The following MIOS variants were observed in gnomAD, a reference collection of about 807,000 sequenced individuals.
The protein encoded by MIOS is GATOR2 complex protein MIOS.
MIOS carries 52 observed loss-of-function variants against 96.9 expected under a neutral mutation model. That is an observed-to-expected ratio of 0.54 (90% CI 0.43 to 0.68). The LOEUF (loss-of-function observed/expected upper bound fraction) is 0.68, where lower values mean the gene tolerates loss of function less well. MIOS is among the 30% of genes least tolerant of loss of function. The pLI, the probability that MIOS is intolerant of heterozygous loss-of-function variation, is 0.00. For synonymous variants in MIOS, 397 were observed against 359.5 expected, an observed-to-expected ratio of 1.10 and a Z score of -1.18; for missense variants, 1,005 against 1,052.8, an observed-to-expected ratio of 0.95 and a Z score of 0.63.
In MIOS at chr7:7,572,312, A is replaced by G; in HGVS notation, c.-40-124A>G. 2.0e-6 allele frequency: 1 copy of G among 488,554 alleles called. No homozygotes were observed. 30.3% of individuals were successfully genotyped at this position (488,554 alleles called of 1,614,324 possible). Reference sequence around the variant, plus strand: ...AATTCATAGCAGATAGAGAGAAGAAATACAAATATATTGAAAAAGAGGGTT... The same window carrying G: ...AATTCATAGCAGATAGAGAGAAGAAGTACAAATATATTGAAAAAGAGGGTT... On this transcript the variant is annotated intron_variant, in intron 3 of 12. Transcript: ENST00000340080. The surrounding 1 kb of genome is among the most constrained non-coding windows in gnomAD (Gnocchi z 4.8).
At chr7:7,590,850 C>T (rs550538551) in intron 9 of MIOS, among the ~76,000 whole-genome samples, 16 of 152,240 alleles carry the variant, frequency 1.1e-4, no homozygotes, top group Non-Finnish European at 2.4e-4. Context: ...TCTACTTTAC[C>T]CTTTCTTATG....
intron 9 of MIOS, among the ~76,000 whole-genome samples, chr7:7,593,334 A>G (rs192944708): frequency 6.6e-6 from 1 of 152,334 alleles, no homozygotes; most frequent in East Asian, 1.9e-4. Context: ...ACTGAATTTA[A>G]TAGATGAAAG....
intron 11 of MIOS, chr7:7,605,343 G>A (rs538462922): frequency 1.3e-5 from 2 of 148,872 alleles, no homozygotes; most frequent in African/African-American, 2.5e-5. Flanking sequence ...CACCCAGCCT[G>A]GAGTGCAGCA....
At chr7:7,606,152 T>A in intron 12 of MIOS, 81 bp downstream of exon 12, 1 of 1,523,982 alleles carries the variant, frequency 6.6e-7, no homozygotes, top group Non-Finnish European at 8.9e-7. Context: ...TGGGTTTATC[T>A]ATTAGCATTT....
intron 9 of MIOS, among the ~76,000 whole-genome samples, 155 bp from the exon 10 acceptor site, chr7:7,594,825 T>G (rs949213892): frequency 7.1e-5 from 10 of 140,432 alleles, no homozygotes; most frequent in Non-Finnish European, 1.2e-4. Flanking sequence ...GGAGCTTCCA[T>G]AAATTTTCTT....
intron 5 of MIOS, chr7:7,582,605 T>C: frequency 1.0e-6 from 1 of 974,436 alleles, no homozygotes; most frequent in Non-Finnish European, 1.2e-6. Context: ...CTTTGAAGTC[T>C]GTAATCTTGT....
intron 11 of MIOS, among the ~76,000 whole-genome samples, chr7:7,600,002 G>A (rs1173663749): frequency 6.6e-6 from 1 of 152,038 alleles, no homozygotes; most frequent in Admixed American, 6.6e-5. Context: ...AGGAATAACA[G>A]ACACCAGGGC....
chr7:7,596,267 G>C lies in MIOS; in HGVS notation c.2207G>C (p.Ser736Thr), dbSNP rs995249244. 6.2e-7 allele frequency: 1 copy of C among 1,613,212 alleles called. No individual in the cohort carries two copies. The highest frequency in any genetic ancestry group is 8.5e-7 in the Non-Finnish European group (1 of 1,179,618). Residue 736 changes from serine (S) to threonine (T), a missense_variant, in exon 11 of 13, where the codon AGT becomes ACT. This residue lies in a region of MIOS where 865 missense variants were observed against 887.9 expected (regional missense o/e 0.97). Coordinates refer to ENST00000340080, the MANE Select transcript of MIOS (RefSeq NM_019005.4). ...SSKPLAQVFVSCNFCGKSISY... is the reference protein window; with the variant it reads ...SSKPLAQVFVTCNFCGKSISY... ...TCATTTGTTTTGTAGGTTTTTGTGA[G>C]TTGCAATTTCTGTGGCAAGTCAATC...
chr7:7,585,494 G>A (rs1783860850), intron 6 of MIOS, 142 bp from the exon 7 acceptor site: 2 of 531,338 alleles, frequency 3.8e-6, no homozygotes, highest in African/African-American at 2.0e-5. Context: ...TCCATAGGCA[G>A]AGCAGCCCAA....
intron 10 of MIOS, among the ~76,000 whole-genome samples, chr7:7,595,872 A>G (rs1034773918): frequency 1.3e-5 from 2 of 152,194 alleles, no homozygotes; most frequent in African/African-American, 2.4e-5. Context: ...TGTCTTAGGA[A>G]CAGCGTTTTC....
chr7:7,588,071 G>T (rs1029746729), intron 7 of MIOS, among the ~76,000 whole-genome samples: 42 of 152,108 alleles, frequency 2.8e-4, no homozygotes, highest in African/African-American at 9.9e-4. Flanking sequence ...TTGTGTACTG[G>T]TGTAGCCAAT....
rs1319871907 is a variant in MIOS, at chr7:7,583,194, A to G, written c.1470A>G (p.Arg490=). 6.2e-7 allele frequency: 1 copy of G among 1,614,124 alleles called. No individual in the cohort carries two copies. The highest frequency in any genetic ancestry group is 1.3e-5 in the African/African-American group (1 of 75,044). The change falls in exon 6 of 13, where the codon AGA becomes AGG. Residue 490 remains arginine (R), a synonymous_variant. Transcript: ENST00000340080. The part of the protein sequence containing the change: ...QSDIQNLNEE[R]ILALQLCGWI... ...ATATTCAAAATTTAAATGAAGAGAG[A>G]ATCTTAGCTTTACAGCTTTGTGGGT...
At chr7:7,595,409 A>G (rs934993495) in intron 10 of MIOS, among the ~76,000 whole-genome samples, 10 of 152,128 alleles carry the variant, frequency 6.6e-5, no homozygotes, top group Admixed American at 4.6e-4. Context: ...CTATTACATT[A>G]TCTTATAAAT....
intron 11 of MIOS, among the ~76,000 whole-genome samples, chr7:7,601,891 A>C (rs1784389628): frequency 6.6e-6 from 1 of 151,556 alleles, no homozygotes; most frequent in Non-Finnish European, 1.5e-5. Flanking sequence ...AGTGGGCTTC[A>C]TCCCTGGGAT....
chr7:7,602,568 TAAAAG>T (rs1419432915), intron 11 of MIOS, among the ~76,000 whole-genome samples: 1 of 151,916 alleles, frequency 6.6e-6, no homozygotes, highest in Non-Finnish European at 1.5e-5. Flanking sequence ...CTCAAGGAAA[TAAAAG>T]AGGATACAAA....
intron 5 of MIOS, among the ~76,000 whole-genome samples, chr7:7,575,313 G>T (rs972228828): frequency 1.3e-5 from 2 of 152,018 alleles, no homozygotes; most frequent in East Asian, 1.9e-4. Flanking sequence ...TTACATTATA[G>T]TGTTTTTTTA....
chr7:7,568,350 T>C (rs1262714106), intron 3 of MIOS, among the ~76,000 whole-genome samples: 1 of 152,202 alleles, frequency 6.6e-6, no homozygotes, highest in African/African-American at 2.4e-5. Context: ...TTTTGGAGTA[T>C]TACAAGATTT....
intron 11 of MIOS, among the ~76,000 whole-genome samples, chr7:7,598,941 T>C (rs1172271260): frequency 3.3e-5 from 5 of 152,056 alleles, no homozygotes; most frequent in African/African-American, 9.7e-5. Flanking sequence ...ATAATTTCTT[T>C]ATATATATAA....
chr7:7,586,454 A>G (rs999972387), intron 7 of MIOS, among the ~76,000 whole-genome samples: 6 of 152,182 alleles, frequency 3.9e-5, no homozygotes, highest in Admixed American at 6.5e-5. Flanking sequence ...AGTTTTAGCT[A>G]TTGGGTTTTA....
Sources: gnomAD v4.1 joint callset for allele counts (sites outside exome capture counted in the v4.1 genomes callset) on GRCh38, gnomAD v4.1.1 for gene constraint, gnomAD v4.1.1 regional missense constraint, Gnocchi (gnomAD v3.1) non-coding constraint, MANE v1.5 for transcripts, NCBI Gene and HGNC (gene_info 2026-07-23, HGNC 2026-07-21) for gene names.